NKAIN3: variants seen among roughly 807,000 people sequenced by gnomAD.
NKAIN3 encodes sodium/potassium transporting ATPase interacting 3.
In NKAIN3, 25 loss-of-function variants were observed where a neutral mutation model predicts 30.2. The observed-to-expected ratio is 0.83, with a 90% CI of 0.60 to 1.16. The LOEUF (loss-of-function observed/expected upper bound fraction) is 1.16, where lower values mean the gene tolerates loss of function less well. NKAIN3 is among the 50% of genes most tolerant of loss of function. NKAIN3 has a pLI of 0.00. For synonymous variants in NKAIN3, 91 were observed against 89.6 expected, an observed-to-expected ratio of 1.02 and a Z score of -0.09; for missense variants, 225 against 254.1, an observed-to-expected ratio of 0.89 and a Z score of 0.78.
intron 1 of NKAIN3, among the ~76,000 whole-genome samples, chr8:62,279,965 A>AG (rs1350966356): frequency 3.9e-5 from 6 of 152,210 alleles, no homozygotes; most frequent in Non-Finnish European, 8.8e-5. Context: ...TACCTTGGGC[A>AG]GTATGGCCAT....
At chr8:62,477,462 G>A (rs559663009) in intron 1 of NKAIN3, among the ~76,000 whole-genome samples, 2 of 152,184 alleles carry the variant, frequency 1.3e-5, no homozygotes, top group African/African-American at 4.8e-5. Context: ...CTTTGACTTC[G>A]TGGCTCTCCG....
chr8:62,965,640 A>G lies in NKAIN3; in HGVS notation c.*233A>G. The G allele has an allele frequency of 1.0e-6, 1 of 972,392 alleles. No homozygotes were observed. Among genetic ancestry groups the G allele is most frequent in the Non-Finnish European group, 1.2e-6 (1 of 818,332 alleles). The allele number at this position is 972,392 out of a possible 1,614,324, so 60.2% of individuals were successfully genotyped here. The stretch of plus-strand genomic sequence containing the variant: ...AGTTGTAAAAAAAAAAAAAAAAGAA[A>G]AAACAGAATTTGGTTTTAAATTTTT... On this transcript the variant is annotated 3_prime_UTR_variant, in exon 7 of 7. Transcript: ENST00000623646.
intron 4 of NKAIN3, among the ~76,000 whole-genome samples, chr8:62,849,699 G>T (rs1819818173): frequency 7.0e-6 from 1 of 142,120 alleles, no homozygotes; most frequent in Non-Finnish European, 1.5e-5. Flanking sequence ...GTGAGAACAT[G>T]CGGTGTTTGG....
intron 1 of NKAIN3, among the ~76,000 whole-genome samples, chr8:62,421,472 T>C (rs1429178577): frequency 6.6e-6 from 1 of 152,144 alleles, no homozygotes; most frequent in African/African-American, 2.4e-5. Context: ...CAGGAGAGGA[T>C]CTAATCCCCA....
chr8:62,279,598 C>G (rs1315768421), intron 1 of NKAIN3, among the ~76,000 whole-genome samples: 4 of 152,124 alleles, frequency 2.6e-5, no homozygotes, highest in Admixed American at 1.3e-4. Context: ...ATATGGCTAG[C>G]CAGTTTTCCC....
intron 4 of NKAIN3, chr8:62,856,278 G>A: frequency 1.1e-6 from 1 of 932,520 alleles, no homozygotes; most frequent in Non-Finnish European, 1.8e-6. Context: ...AGAGCCCTCT[G>A]GACCAGATTA....
chr8:62,511,274 C>T (rs985848693), intron 1 of NKAIN3, among the ~76,000 whole-genome samples: 19 of 152,252 alleles, frequency 1.2e-4, no homozygotes, highest in African/African-American at 3.8e-4. Context: ...GCGGGGTTCC[C>T]TGTGCCCTCC....
At chr8:62,473,822 G>C (rs1351206558) in intron 1 of NKAIN3, 1 of 152,066 alleles carries the variant, frequency 6.6e-6, no homozygotes, top group Admixed American at 6.6e-5. Context: ...CTTTCCCAGG[G>C]ATACAGTTAG....
At chr8:62,913,146 T>A (rs1292834806) in intron 4 of NKAIN3, among the ~76,000 whole-genome samples, 2 of 59,624 alleles carry the variant, frequency 3.4e-5, no homozygotes. Flanking sequence ...CTGTTTTGCA[T>A]TGAACATTTT....
At chr8:62,951,662 C>CA (rs1823288526) in intron 5 of NKAIN3, among the ~76,000 whole-genome samples, 1 of 152,076 alleles carries the variant, frequency 6.6e-6, no homozygotes. Flanking sequence ...GGTGTTTCCC[C>CA]ATTGTTGCCC....
chr8:62,341,442 G>A lies in NKAIN3; in HGVS notation c.54+92315G>A, dbSNP rs189581768. Among the ~76,000 whole-genome samples the A allele has an allele frequency of 1.7e-4, 26 of 152,096 alleles. 1 individual carries two copies. The East Asian group carries it at 4.7e-3, about 27-fold the overall frequency. ...AGTTAGAAGCAACCTTGAAGTGCAT[G>A]TAATCAAAATCCCCTATTTTACTGA... On this transcript the variant is annotated intron_variant, in intron 1 of 6. Coordinates refer to ENST00000623646, the MANE Select transcript of NKAIN3 (RefSeq NM_001304533.3).
At chr8:62,493,535 A>T (rs1247641492) in intron 1 of NKAIN3, among the ~76,000 whole-genome samples, 1 of 152,104 alleles carries the variant, frequency 6.6e-6, no homozygotes, top group African/African-American at 2.4e-5. Flanking sequence ...ATGAATTTTT[A>T]AAATTTTTTT....
At chr8:62,561,240 G>A (rs545229552) in intron 1 of NKAIN3, among the ~76,000 whole-genome samples, 1 of 152,098 alleles carries the variant, frequency 6.6e-6, no homozygotes, top group Non-Finnish European at 1.5e-5. Context: ...GATTCCTCAG[G>A]TAGCTGGATG....
intron 3 of NKAIN3, among the ~76,000 whole-genome samples, chr8:62,740,644 G>GT (rs3032914): frequency 0.41 from 62,768 of 151,540 alleles, 15,186 homozygotes; most frequent in East Asian, 0.69. Context: ...AGTGAATATT[G>GT]TTTTTTTTAG....
chr8:62,801,880 A>G (rs984233959), intron 4 of NKAIN3, among the ~76,000 whole-genome samples: 1 of 152,124 alleles, frequency 6.6e-6, no homozygotes, highest in Admixed American at 6.6e-5. Flanking sequence ...AAAAAAATTT[A>G]GACGAATGTA....
In NKAIN3 at chr8:62,548,050, C is replaced by T. The variant is rs191094666; in HGVS notation, c.55-31489C>T. On this transcript the variant is annotated intron_variant, in intron 1 of 6. Transcript: ENST00000623646. The stretch of plus-strand genomic sequence containing the variant: ...TTGTAATTCTAGCTGAAGGTACAAA[C>T]GCAACCTCTGTTGGCTCCTAATCTC... Among the ~76,000 whole-genome samples the T allele has an allele frequency of 1.6e-3, 239 of 152,224 alleles. 1 individual carries two copies. Among genetic ancestry groups the T allele is most frequent in the Admixed American group, 5.0e-3 (77 of 15,280 alleles).
At chr8:62,353,233 C>T (rs1563361646) in intron 1 of NKAIN3, among the ~76,000 whole-genome samples, 3 of 152,200 alleles carry the variant, frequency 2.0e-5, no homozygotes, top group South Asian at 4.1e-4. Context: ...AATAAGCCAA[C>T]TCTAAGACAG....
chr8:62,938,116 C>T (rs1822844478), intron 5 of NKAIN3, among the ~76,000 whole-genome samples: 1 of 152,072 alleles, frequency 6.6e-6, no homozygotes. Flanking sequence ...TTTCTCTACC[C>T]ACCCTGGTAG....
chr8:62,496,432 C>T (rs72651529), intron 1 of NKAIN3, among the ~76,000 whole-genome samples: 63 of 152,164 alleles, frequency 4.1e-4, no homozygotes, highest in Non-Finnish European at 8.5e-4. Context: ...CCAGTGTGTT[C>T]TTCCTGGATT....
Sources: gnomAD v4.1 joint callset for allele counts (sites outside exome capture counted in the v4.1 genomes callset) on GRCh38, gnomAD v4.1.1 for gene constraint, MANE v1.5 for transcripts, NCBI Gene and HGNC (gene_info 2026-07-23, HGNC 2026-07-21) for gene names.